RIMKLA: variants seen among roughly 807,000 people sequenced by gnomAD.
RIMKLA encodes N-acetylaspartylglutamate synthase A.
RIMKLA carries 14 observed loss-of-function variants against 32.7 expected under a neutral mutation model. The observed-to-expected ratio is 0.43, with a 90% CI of 0.28 to 0.67. RIMKLA has a LOEUF of 0.67. Among genes scored for constraint, RIMKLA ranks in the 30% least tolerant of loss-of-function variants. The pLI is 0.18. For missense variants in RIMKLA, 410 were observed against 519.0 expected, an observed-to-expected ratio of 0.79 and a Z score of 2.04; for synonymous variants, 176 against 204.1, an observed-to-expected ratio of 0.86 and a Z score of 1.18.
chr1:42,399,438 C>A lies in RIMKLA; in HGVS notation c.198C>A (p.Phe66Leu), dbSNP rs1643077342. ...TAAACCAGAAGGCCCTCACCACTTT[C>A]CCGGATGTGGTGCTTGTACGGGTAC... is the stretch of plus-strand genomic sequence containing the variant. ...LQLNQKALTT[F>L]PDVVLVRVPT... The change falls in exon 2 of 5, where the codon TTC becomes TTA. Residue 66 changes from phenylalanine to leucine, a missense_variant. By Grantham distance (22) the Phe-to-Leu change is conservative. Coordinates refer to ENST00000431473, the MANE Select transcript of RIMKLA (RefSeq NM_173642.4). 9.9e-6 allele frequency: 16 copies of A among 1,612,500 alleles called. No individual in the cohort carries two copies. The highest frequency in any genetic ancestry group is 1.3e-5 in the Non-Finnish European group (15 of 1,179,370).
At position 42,416,757 on chromosome 1, in the gene RIMKLA, A is replaced by C. The variant is rs761013752; in HGVS notation, c.*1783A>C. The C allele has an allele frequency of 6.6e-6, 1 of 152,248 alleles. No individual in the cohort carries two copies. The highest frequency in any genetic ancestry group is 6.5e-5 in the Admixed American group (1 of 15,290). The allele number at this position is 152,248 out of a possible 1,614,324, so 9.4% of individuals were successfully genotyped here. A position where few individuals can be genotyped will look rare whatever the true frequency, so the allele number is the denominator to read the frequency against. On this transcript the variant is annotated 3_prime_UTR_variant, in exon 5 of 5. Transcript: ENST00000431473. ...TAAAGTTAAGCTATTGCATTTTTTC[A>C]TAACACATTTAAATAGAAATTGGCT...
intron 2 of RIMKLA, among the ~76,000 whole-genome samples, chr1:42,404,012 G>A (rs111243457): frequency 1.6e-3 from 246 of 152,268 alleles, no homozygotes; most frequent in African/African-American, 5.6e-3. Context: ...TTCAAGGCCA[G>A]CAGAAGAGTC....
At chr1:42,411,641 A>ATTT in intron 4 of RIMKLA, among the ~76,000 whole-genome samples, 1 of 142,244 alleles carries the variant, frequency 7.0e-6, no homozygotes, top group East Asian at 2.0e-4. Context: ...TTGTATTTTT[A>ATTT]TTTTTATTAT....
At chr1:42,402,033 C>T (rs1287707580) in intron 2 of RIMKLA, among the ~76,000 whole-genome samples, 1 of 152,098 alleles carries the variant, frequency 6.6e-6, no homozygotes, top group Admixed American at 6.5e-5. Flanking sequence ...AGCGGGATGG[C>T]GGGAAGCTGG....
At position 42,388,038 on chromosome 1, in the gene RIMKLA, A is replaced by G. The variant is rs117157831; in HGVS notation, c.163+6941A>G. Among the ~76,000 whole-genome samples, 5 of 152,242 alleles carry G rather than the reference A, an allele frequency of 3.3e-5. No homozygotes were observed. In the East Asian group the frequency reaches 9.6e-4, roughly 29 times the overall value. On this transcript the variant is annotated intron_variant, in intron 1 of 4. Coordinates refer to ENST00000431473, the MANE Select transcript of RIMKLA (RefSeq NM_173642.4). ...TATCTGGAGGTAGAGTAGTTTAGGCAACAGGGAATAGCAAGGGGGCCAGCA... is the reference window on the plus strand; with the variant it reads ...TATCTGGAGGTAGAGTAGTTTAGGCGACAGGGAATAGCAAGGGGGCCAGCA...
chr1:42,409,107 CAGG>C (rs1369854357), intron 3 of RIMKLA, among the ~76,000 whole-genome samples: 1 of 142,700 alleles, frequency 7.0e-6, no homozygotes, highest in African/African-American at 2.6e-5. Flanking sequence ...GAGGCTAAGG[CAGG>C]AGAATTGCTT....
At chr1:42,388,558 C>T (rs7411434) in intron 1 of RIMKLA, among the ~76,000 whole-genome samples, 59,262 of 140,166 alleles carry the variant, frequency 0.42, 12,523 homozygotes, top group Middle Eastern at 0.63. Context: ...CTTGCTCTGT[C>T]GCCCAGGTTG....
At chr1:42,400,890 A>G (rs1245879638) in intron 2 of RIMKLA, among the ~76,000 whole-genome samples, 1 of 152,168 alleles carries the variant, frequency 6.6e-6, no homozygotes, top group African/African-American at 2.4e-5. Flanking sequence ...TGTAGGAAGA[A>G]AAGAGGGCTG....
Position 42,399,400 on chromosome 1 carries a change from G to T in RIMKLA, c.164-4G>T. 1 of 1,598,422 alleles carries T rather than the reference G, an allele frequency of 6.3e-7. No individual in the cohort carries two copies. On this transcript the variant is annotated splice_polypyrimidine_tract_variant and splice_region_variant and intron_variant, in intron 1 of 4. Transcript: ENST00000431473. ...CAGCACTCACTGTTGTCCTTGAATT[G>T]CAGGCCTCCAGCTAAACCAGAAGGC...
At chr1:42,386,704 C>A in intron 1 of RIMKLA, among the ~76,000 whole-genome samples, 1 of 131,766 alleles carries the variant, frequency 7.6e-6, no homozygotes. Context: ...GGTGAAACCC[C>A]GTCTCTACTA....
At chr1:42,388,517 G>GTT (rs35842187) in intron 1 of RIMKLA, among the ~76,000 whole-genome samples, 69 of 131,696 alleles carry the variant, frequency 5.2e-4, no homozygotes, top group African/African-American at 1.4e-3. Flanking sequence ...CTGAAAGCTT[G>GTT]TTTTTTTTTT....
intron 4 of RIMKLA, among the ~76,000 whole-genome samples, chr1:42,413,500 T>C (rs200902030): frequency 2.8e-5 from 1 of 35,958 alleles, no homozygotes; most frequent in Non-Finnish European, 4.9e-5. Context: ...TAAGAGTCTC[T>C]CAAAAAAAAA....
At chr1:42,404,850 T>TC (rs1643130070) in intron 3 of RIMKLA, among the ~76,000 whole-genome samples, 1 of 152,188 alleles carries the variant, frequency 6.6e-6, no homozygotes, top group Non-Finnish European at 1.5e-5. Context: ...CCTCTTCTGT[T>TC]CTTTTTTTGA....
chr1:42,400,626 A>G (rs979554527), intron 2 of RIMKLA, among the ~76,000 whole-genome samples: 1 of 152,222 alleles, frequency 6.6e-6, no homozygotes, highest in Non-Finnish European at 1.5e-5. Context: ...AACATTTGCT[A>G]AGACTAGAAA....
Position 42,384,000 on chromosome 1 carries a change from A to T in RIMKLA, c.163+2903A>T, listed in dbSNP as rs1008612926. Reference sequence around the variant, plus strand: ...ACCTTTACAAAGCTTTTGTGCCTTCACTCCTTTCCATTGCTTCTTTATGTT... The same window carrying T: ...ACCTTTACAAAGCTTTTGTGCCTTCTCTCCTTTCCATTGCTTCTTTATGTT... On this transcript the variant is annotated intron_variant, in intron 1 of 4. Transcript: ENST00000431473. Among the ~76,000 whole-genome samples the T allele has an allele frequency of 5.9e-5, 9 of 152,052 alleles. No homozygotes were observed. In the East Asian group the frequency reaches 1.4e-3, roughly 23 times the overall value.
rs1643273916 is a variant in RIMKLA at position 42,418,981 on chromosome 1, G to C, written c.*4007G>C. On this transcript the variant is annotated 3_prime_UTR_variant, in exon 5 of 5. Transcript: ENST00000431473. ...TAGTCTGAGTGGATGTCTTGGGAAGGCCCCTGAAAATAGCCATATTTGTCA... is the reference window on the plus strand; with the variant it reads ...TAGTCTGAGTGGATGTCTTGGGAAGCCCCCTGAAAATAGCCATATTTGTCA... 6.6e-6 allele frequency: 1 copy of C among 152,164 alleles called. No individual in the cohort carries two copies. Among genetic ancestry groups the C allele is most frequent in the Non-Finnish European group, 1.5e-5 (1 of 68,064 alleles). The allele number at this position is 152,164 out of a possible 1,614,324, so 9.4% of individuals were successfully genotyped here. A position where few individuals can be genotyped will look rare whatever the true frequency, so the allele number is the denominator to read the frequency against.
rs144089016 is a variant in RIMKLA at position 42,407,707 on chromosome 1, C to T, written c.482-2277C>T. Among the ~76,000 whole-genome samples, 33 of 152,308 alleles carry T rather than the reference C, an allele frequency of 2.2e-4. No homozygotes were observed. The East Asian group carries it at 5.8e-3, about 27-fold the overall frequency. Reference sequence around the variant, plus strand: ...AGTTCTATATGCCAAGCCACACTGTCTTGATTACTGTAACTTTATAGTAAG... The same window carrying T: ...AGTTCTATATGCCAAGCCACACTGTTTTGATTACTGTAACTTTATAGTAAG... On this transcript the variant is annotated intron_variant, in intron 3 of 4. Transcript: ENST00000431473.
intron 4 of RIMKLA, chr1:42,412,503 A>G: frequency 2.4e-6 from 1 of 424,164 alleles, no homozygotes; most frequent in South Asian, 1.8e-5. Context: ...CAGTGAAACC[A>G]AACTGATGGA....
At chr1:42,392,290 T>C (rs1252387969) in intron 1 of RIMKLA, among the ~76,000 whole-genome samples, 3 of 152,156 alleles carry the variant, frequency 2.0e-5, no homozygotes, top group African/African-American at 7.2e-5. Flanking sequence ...ACTTAGCACA[T>C]TGTGTTACAG....
Sources: allele counts gnomAD v4.1 joint callset (sites outside exome capture counted in the v4.1 genomes callset), GRCh38; gene constraint gnomAD v4.1.1; transcripts MANE v1.5; gene names NCBI Gene and HGNC (gene_info 2026-07-23, HGNC 2026-07-21).